Variants in COL16A1 observed in about 807,000 individuals in gnomAD.
COL16A1 encodes the protein collagen type XVI alpha 1 chain.
In COL16A1, 189 loss-of-function variants were observed where a neutral mutation model predicts 266.3. That is an observed-to-expected ratio of 0.71 (90% CI 0.63 to 0.80). The LOEUF (loss-of-function observed/expected upper bound fraction) is 0.80, where lower values mean the gene tolerates loss of function less well. Among genes scored for constraint, COL16A1 ranks in the 30% least tolerant of loss-of-function variants. The probability of loss-of-function intolerance (pLI) is 0.00; values close to 1 mark genes in which losing one functional copy is unlikely to be tolerated. For synonymous variants in COL16A1, 740 were observed against 782.3 expected, an observed-to-expected ratio of 0.95 and a Z score of 0.90; for missense variants, 1,928 against 2,122.4, an observed-to-expected ratio of 0.91 and a Z score of 1.80.
chr1:31,698,233 C>A lies in COL16A1; in HGVS notation c.391-61G>T. 2 of 1,597,302 alleles carry A rather than the reference C, an allele frequency of 1.3e-6. No homozygotes were observed. The highest frequency in any genetic ancestry group is 8.5e-7 in the Non-Finnish European group (1 of 1,171,362). On this transcript the variant is annotated intron_variant, in intron 5 of 70. Coordinates refer to ENST00000373672, the MANE Select transcript of COL16A1 (RefSeq NM_001856.4). This position sits in a 1 kb window ranked among gnomAD's most constrained non-coding sequence, Gnocchi z 4.1. Reference sequence around the variant, plus strand: ...CAGAGCTCCAGAGTCACACCATGGGCACGTTCAGGGACCTTGAACTCATTT... The same window carrying A: ...CAGAGCTCCAGAGTCACACCATGGGAACGTTCAGGGACCTTGAACTCATTT...
intron 38 of COL16A1, 41 bp downstream of exon 38, chr1:31,680,982 G>A: frequency 6.2e-7 from 1 of 1,613,942 alleles, no homozygotes; most frequent in Non-Finnish European, 8.5e-7. Context: ...CCGAGGCAGG[G>A]CCGGCCATGG....
intron 2 of COL16A1, 23 bp from the exon 3 acceptor site, chr1:31,700,138 G>A (rs773972592): frequency 1.2e-6 from 2 of 1,612,640 alleles, no homozygotes; most frequent in African/African-American, 1.3e-5. Flanking sequence ...GGGCAGGGGG[G>A]CATTAGGTGC....
At position 31,685,351 on chromosome 1, in the gene COL16A1, C is replaced by T. The variant is rs908371786; in HGVS notation, c.2016+288G>A. Among the ~76,000 whole-genome samples the T allele has an allele frequency of 2.6e-5, 4 of 152,232 alleles. No homozygotes were observed. Among genetic ancestry groups the T allele is most frequent in the African/African-American group, 9.6e-5 (4 of 41,454 alleles). The stretch of plus-strand genomic sequence containing the variant: ...GGAAACAGAGGTGGAGAGAAGGTGA[C>T]TTGCTCAAGTCAAAGACTTAGTAAG... On this transcript the variant is annotated intron_variant, in intron 29 of 70. Transcript: ENST00000373672. This position sits in a 1 kb window ranked among gnomAD's most constrained non-coding sequence, Gnocchi z 4.0.
At position 31,698,072 on chromosome 1, in the gene COL16A1, A is replaced by G; in HGVS notation, c.491T>C (p.Phe164Ser). The G allele has an allele frequency of 6.2e-7, 1 of 1,613,982 alleles. No homozygotes were observed. Among genetic ancestry groups the G allele is most frequent in the Non-Finnish European group, 8.5e-7 (1 of 1,180,030 alleles). ...CATCAGCTTGTGCCAACGCAAGTCGAAGAGCTGGGGCACTGGGAAGATGCA... is the reference window on the plus strand; with the variant it reads ...CATCAGCTTGTGCCAACGCAAGTCGGAGAGCTGGGGCACTGGGAAGATGCA... Reference protein sequence around the residue: ...VSCIFPVPQLFDLRWHKLMLS... With the variant: ...VSCIFPVPQLSDLRWHKLMLS... Residue 164 changes from phenylalanine to serine, a missense_variant, in exon 6 of 71, where the codon TTC becomes TCC. Transcript: ENST00000373672. This position sits in a 1 kb window ranked among gnomAD's most constrained non-coding sequence, Gnocchi z 4.1.
In COL16A1 at chr1:31,683,166, C is replaced by G. The variant is rs778716893; in HGVS notation, c.2469+28G>C. ...CTGGGACACTCTGGAATACTGCAGG[C>G]CCAATACCCATGGAGGCAGAGGCTC... is the stretch of plus-strand genomic sequence containing the variant. On this transcript the variant is annotated intron_variant, in intron 36 of 70. Coordinates refer to ENST00000373672, the MANE Select transcript of COL16A1 (RefSeq NM_001856.4). 4.3e-6 allele frequency: 7 copies of G among 1,613,954 alleles called. No homozygotes were observed. The African/African-American group carries it at 5.3e-5, about 12-fold the overall frequency.
chr1:31,666,077 G>T lies in COL16A1; in HGVS notation c.3362C>A (p.Pro1121His). Residue 1121 changes from proline to histidine, a missense_variant, in exon 53 of 71, where the codon CCC (proline) becomes CAC (histidine). Pro to His is a moderately conservative substitution (Grantham distance 77). Around this residue, in one of 2 missense-constraint regions of COL16A1, gnomAD observed 1,552 missense variants for 1,637.2 expected, o/e 0.95. Coordinates refer to ENST00000373672, the MANE Select transcript of COL16A1 (RefSeq NM_001856.4). ...GCCTGGGAGGCCTTCAGATCCTGGG[G>T]GGCCCTAAGGATACAAAGGAACAGA... ...GSAGEKGEPG[P>H]PGSEGLPGPP... The T allele has an allele frequency of 6.2e-7, 1 of 1,610,098 alleles. No homozygotes were observed. Among genetic ancestry groups the T allele is most frequent in the Non-Finnish European group, 8.5e-7 (1 of 1,179,008 alleles).
chr1:31,702,171 C>A lies in COL16A1; in HGVS notation c.23G>T (p.Gly8Val), dbSNP rs1644747018. Residue 8 changes from glycine to valine, a missense_variant, in exon 2 of 71, where the codon GGC becomes GTC. This residue lies in a region of COL16A1 where 1,552 missense variants were observed against 1,637.2 expected (regional missense o/e 0.95). Coordinates refer to ENST00000373672, the MANE Select transcript of COL16A1 (RefSeq NM_001856.4). ...AGCCCAAAGACCGAGCAGCCACAGGCCAGGAGCCCAGGATACCCACATCCC... is the reference window on the plus strand; with the variant it reads ...AGCCCAAAGACCGAGCAGCCACAGGACAGGAGCCCAGGATACCCACATCCC... MWVSWAPGLWLLGLWATF... is the reference protein window; with the variant it reads MWVSWAPVLWLLGLWATF... 4.3e-6 allele frequency: 7 copies of A among 1,614,152 alleles called. No individual in the cohort carries two copies. Among genetic ancestry groups the A allele is most frequent in the Non-Finnish European group, 2.5e-6 (3 of 1,180,014 alleles).
rs1643795830 is a variant in COL16A1 at position 31,683,496 on chromosome 1, G to A, written c.2380-127C>T. 11 of 1,589,026 alleles carry A rather than the reference G, an allele frequency of 6.9e-6. No individual in the cohort carries two copies. In the Admixed American group the frequency reaches 1.7e-4, roughly 25 times the overall value. On this transcript the variant is annotated intron_variant, in intron 34 of 70. Transcript: ENST00000373672. ...GCCCAAATTCAGAAGAGCTCCCCAAGGAGACCCTGAGGGTCAGAGAGGCTG... is the reference window on the plus strand; with the variant it reads ...GCCCAAATTCAGAAGAGCTCCCCAAAGAGACCCTGAGGGTCAGAGAGGCTG...
Position 31,656,618 on chromosome 1 carries a change from G to A in COL16A1, c.4057-174C>T, listed in dbSNP as rs1641180251. 1.3e-5 allele frequency among the ~76,000 whole-genome samples: 2 copies of A among 152,270 alleles called. No individual in the cohort carries two copies. Among genetic ancestry groups the A allele is most frequent in the African/African-American group, 4.8e-5 (2 of 41,560 alleles). On this transcript the variant is annotated intron_variant, in intron 65 of 70. Coordinates refer to ENST00000373672, the MANE Select transcript of COL16A1 (RefSeq NM_001856.4). This position sits in a 1 kb window ranked among gnomAD's most constrained non-coding sequence, Gnocchi z 4.2. ...CTGCCCAGCTGGAAGGGAAAATAAT[G>A]TCCTCTGGGGCATGGCCTTGTTTAA... is the stretch of plus-strand genomic sequence containing the variant.
chr1:31,662,671 G>A lies in COL16A1; in HGVS notation c.3556-13C>T, dbSNP rs775246699. 55 of 1,463,412 alleles carry A rather than the reference G, an allele frequency of 3.8e-5. No individual in the cohort carries two copies. The highest frequency in any genetic ancestry group is 2.4e-4 in the Middle Eastern group (1 of 4,130). The allele number at this position is 1,463,412 out of a possible 1,614,324, so 90.7% of individuals were successfully genotyped here. ...TCCCTTCGCTGCCCTGGAAACCAGC[G>A]CCGCCCCCCCCCCCCGCCCCACAAT... is the stretch of plus-strand genomic sequence containing the variant. On this transcript the variant is annotated splice_polypyrimidine_tract_variant and intron_variant, in intron 56 of 70. Coordinates refer to ENST00000373672, the MANE Select transcript of COL16A1 (RefSeq NM_001856.4).
At position 31,668,914 on chromosome 1, in the gene COL16A1, C is replaced by G; in HGVS notation, c.3196-59G>C. 7 of 1,470,524 alleles carry G rather than the reference C, an allele frequency of 4.8e-6. No homozygotes were observed. The highest frequency in any genetic ancestry group is 6.6e-6 in the Non-Finnish European group (7 of 1,067,752). 91.1% of individuals were successfully genotyped at this position (1,470,524 alleles called of 1,614,324 possible). The stretch of plus-strand genomic sequence containing the variant: ...CCGGCGGTCCCCACCCAGCCCCTGA[C>G]TCCTTCCCCCTGCCCCACTGCCTTC... On this transcript the variant is annotated intron_variant, in intron 49 of 70. Coordinates refer to ENST00000373672, the MANE Select transcript of COL16A1 (RefSeq NM_001856.4). The surrounding 1 kb of genome is among the most constrained non-coding windows in gnomAD (Gnocchi z 5.8).
Position 31,658,658 on chromosome 1 carries a change from A to G in COL16A1, c.3931-81T>C, listed in dbSNP as rs149441277. 2,043 of 1,304,660 alleles carry G rather than the reference A, an allele frequency of 1.6e-3. 14 individuals carry two copies. Among genetic ancestry groups the G allele is most frequent in the East Asian group, 9.1e-3 (375 of 40,992 alleles). The allele number at this position is 1,304,660 out of a possible 1,614,324, so 80.8% of individuals were successfully genotyped here. ...CCATATAGCCAGAGACAGACACCCCATCGTGTGCCAGGGACTACAGGGAGA... is the reference window on the plus strand; with the variant it reads ...CCATATAGCCAGAGACAGACACCCCGTCGTGTGCCAGGGACTACAGGGAGA... On this transcript the variant is annotated intron_variant, in intron 63 of 70. Coordinates refer to ENST00000373672, the MANE Select transcript of COL16A1 (RefSeq NM_001856.4).
chr1:31,656,285 G>T lies in COL16A1; in HGVS notation c.4101+115C>A, dbSNP rs1483867523. The T allele has an allele frequency of 4.6e-6, 7 of 1,513,144 alleles. No homozygotes were observed. The highest frequency in any genetic ancestry group is 3.4e-4 in the Middle Eastern group (2 of 5,820). 93.7% of individuals were successfully genotyped at this position (1,513,144 alleles called of 1,614,324 possible). A position where few individuals can be genotyped will look rare whatever the true frequency, so the allele number is the denominator to read the frequency against. On this transcript the variant is annotated intron_variant, in intron 66 of 70. Transcript: ENST00000373672. This position sits in a 1 kb window ranked among gnomAD's most constrained non-coding sequence, Gnocchi z 4.2. ...ATCCTGCTCCAAGTTCTGCATTTTT[G>T]CCCCCTGCCCACTGGCCTTCCTGTG... is the stretch of plus-strand genomic sequence containing the variant.
At chr1:31,691,391 A>G in intron 19 of COL16A1, 26 bp downstream of exon 19, 1 of 1,600,068 alleles carries the variant, frequency 6.2e-7, no homozygotes, top group Non-Finnish European at 8.5e-7. Context: ...AGAAAAGCAC[A>G]GCAGGAGAAG....
At chr1:31,653,433 C>T (rs1640805845) in intron 70 of COL16A1, 166 bp downstream of exon 70, 2 of 799,884 alleles carry the variant, frequency 2.5e-6, no homozygotes, top group African/African-American at 1.7e-5. Flanking sequence ...CCCCCACATC[C>T]CCACAGGCCC....
chr1:31,693,699 A>T (rs550705952), intron 12 of COL16A1, among the ~76,000 whole-genome samples: 1 of 152,294 alleles, frequency 6.6e-6, no homozygotes, highest in African/African-American at 2.4e-5. Flanking sequence ...TTAGGCCCAC[A>T]GGTATATGGG....
chr1:31,698,313 G>A lies in COL16A1; in HGVS notation c.391-141C>T. ...GAAGAAAGCCGGCTGGGGTCAAGGA[G>A]CTATACATCCTGAAAGAATGAGGTA... On this transcript the variant is annotated intron_variant, in intron 5 of 70. Coordinates refer to ENST00000373672, the MANE Select transcript of COL16A1 (RefSeq NM_001856.4). This position sits in a 1 kb window ranked among gnomAD's most constrained non-coding sequence, Gnocchi z 4.1. 6.5e-7 allele frequency: 1 copy of A among 1,534,022 alleles called. No individual in the cohort carries two copies. Among genetic ancestry groups the A allele is most frequent in the Non-Finnish European group, 8.8e-7 (1 of 1,141,124 alleles).
At chr1:31,681,820 C>T (rs990683841) in intron 37 of COL16A1, among the ~76,000 whole-genome samples, 4 of 152,246 alleles carry the variant, frequency 2.6e-5, no homozygotes, top group Non-Finnish European at 2.9e-5. Context: ...GCCCACATCT[C>T]TCCTTTTGCC....
intron 52 of COL16A1, 150 bp from the exon 53 acceptor site, chr1:31,666,231 CT>C: frequency 1.2e-6 from 1 of 804,680 alleles, no homozygotes. Flanking sequence ...TCTGCTCAGG[CT>C]TCCCTGCTCT....
Sources: allele counts gnomAD v4.1 joint callset (sites outside exome capture counted in the v4.1 genomes callset), GRCh38; gene constraint gnomAD v4.1.1; regional missense constraint gnomAD v4.1.1; non-coding constraint Gnocchi (gnomAD v3.1); transcripts MANE v1.5; gene names NCBI Gene and HGNC (gene_info 2026-07-23, HGNC 2026-07-21).